Variants in PTPRT observed in about 807,000 individuals in gnomAD.
PTPRT encodes the protein receptor-type tyrosine-protein phosphatase T.
Under a neutral mutation model 176.8 loss-of-function variants are expected in PTPRT, and 56 were observed. The ratio of observed to expected loss-of-function variants is 0.32; its 90% CI spans 0.26 to 0.40. The LOEUF is 0.40. Among genes scored for constraint, PTPRT ranks in the 10% least tolerant of loss-of-function variants. The pLI, the probability that PTPRT is intolerant of heterozygous loss-of-function variation, is 1.00. For missense variants in PTPRT, 1,540 were observed against 1,908.2 expected, an observed-to-expected ratio of 0.81 and a Z score of 3.60; for synonymous variants, 783 against 739.0, an observed-to-expected ratio of 1.06 and a Z score of -0.96.
intron 27 of PTPRT, 129 bp downstream of exon 27, chr20:42,098,292 C>T (rs1985490043): frequency 7.6e-7 from 1 of 1,310,594 alleles, no homozygotes; most frequent in Non-Finnish European, 1.0e-6. Context: ...TGCTCGTGGC[C>T]AGACACTGCT....
At chr20:42,280,338 G>A (rs1025497547) in intron 13 of PTPRT, among the ~76,000 whole-genome samples, 20 of 152,150 alleles carry the variant, frequency 1.3e-4, no homozygotes, top group African/African-American at 4.8e-4. Context: ...ATCTGATGTG[G>A]TGAGAGGGGA....
intron 18 of PTPRT, among the ~76,000 whole-genome samples, chr20:42,135,417 T>C (rs1256502114): frequency 2.6e-5 from 4 of 152,228 alleles, no homozygotes; most frequent in Admixed American, 2.6e-4. Flanking sequence ...GAAATGGAAA[T>C]TCTTGGGCCC....
rs533606725 is a variant in PTPRT at position 42,582,752 on chromosome 20, C to A, written c.1153+95114G>T. On this transcript the variant is annotated intron_variant, in intron 7 of 30. Transcript: ENST00000373187. The stretch of plus-strand genomic sequence containing the variant: ...TGGAAGAAATTAACTCTGATCTTCT[C>A]AGAGCTCGCCCAAAAAACTGGACCT... 1.3e-4 allele frequency among the ~76,000 whole-genome samples: 20 copies of A among 152,238 alleles called. No individual in the cohort carries two copies. The South Asian group carries it at 3.3e-3, about 25-fold the overall frequency.
At chr20:42,544,139 C>A (rs2072631835) in intron 7 of PTPRT, among the ~76,000 whole-genome samples, 1 of 152,186 alleles carries the variant, frequency 6.6e-6, no homozygotes, top group Admixed American at 6.5e-5. Flanking sequence ...GGCTTTGAAG[C>A]CAGACATTTG....
chr20:42,602,668 T>C (rs993275844), intron 7 of PTPRT, among the ~76,000 whole-genome samples: 1 of 152,156 alleles, frequency 6.6e-6, no homozygotes, highest in Non-Finnish European at 1.5e-5. Context: ...CTTACCACTA[T>C]GTTCTTTTTT....
At chr20:43,121,411 T>G (rs2013252489) in intron 1 of PTPRT, among the ~76,000 whole-genome samples, 1 of 152,224 alleles carries the variant, frequency 6.6e-6, no homozygotes, top group Non-Finnish European at 1.5e-5. Context: ...TCTAGCTTAT[T>G]AGATCTGCCA....
At chr20:42,583,357 G>A (rs1263844297) in intron 7 of PTPRT, among the ~76,000 whole-genome samples, 1 of 152,112 alleles carries the variant, frequency 6.6e-6, no homozygotes, top group South Asian at 2.1e-4. Flanking sequence ...TTCATTAACT[G>A]TCAGGGGTTA....
chr20:43,169,089 C>G (rs1457720526), intron 1 of PTPRT, among the ~76,000 whole-genome samples: 1 of 152,152 alleles, frequency 6.6e-6, no homozygotes, highest in Non-Finnish European at 1.5e-5. Context: ...TTGCCCCAAC[C>G]CTCAGTTCTT....
At position 42,199,348 on chromosome 20, in the gene PTPRT, G is replaced by C; in HGVS notation, c.2383C>G (p.Gln795Glu). Residue 795 changes from glutamine (Q) to glutamate (E), a missense_variant, in exon 16 of 31, where the codon CAG becomes GAG. By Grantham distance (29) the Gln-to-Glu change is conservative. This residue lies in a region of PTPRT where 255 missense variants were observed against 250.1 expected (regional missense o/e 1.02). Transcript: ENST00000373187. Reference sequence around the variant, plus strand: ...GAGGCCACAGGCCCCATCTCCCTCTGGGCTCCACTCTGGGTCTCCTTCTGC... The same window carrying C: ...GAGGCCACAGGCCCCATCTCCCTCTCGGCTCCACTCTGGGTCTCCTTCTGC... ...KKQKETQSGA[Q>E]REMGPVASAD... is the part of the protein sequence containing the mutation. 5.6e-6 allele frequency: 9 copies of C among 1,614,074 alleles called. No homozygotes were observed. Among genetic ancestry groups the C allele is most frequent in the Middle Eastern group, 1.7e-4 (1 of 6,060 alleles).
At chr20:42,477,762 A>G (rs528440649) in intron 7 of PTPRT, among the ~76,000 whole-genome samples, 2 of 152,280 alleles carry the variant, frequency 1.3e-5, no homozygotes, top group African/African-American at 4.8e-5. Flanking sequence ...CAGTGGGAAG[A>G]GTGTGGCTTG....
At chr20:42,189,121 G>A (rs1374851081) in intron 16 of PTPRT, among the ~76,000 whole-genome samples, 3 of 152,148 alleles carry the variant, frequency 2.0e-5, no homozygotes, top group African/African-American at 7.2e-5. Flanking sequence ...TACCATTCCA[G>A]CTTCGTCTCT....
intron 1 of PTPRT, among the ~76,000 whole-genome samples, chr20:43,140,173 G>A (rs1336340653): frequency 1.3e-5 from 2 of 152,066 alleles, no homozygotes; most frequent in Non-Finnish European, 2.9e-5. Flanking sequence ...TGATAAACCA[G>A]AAGACAAAAT....
chr20:42,046,834 C>T, the PTPRT span, among the ~76,000 whole-genome samples: 3 of 151,980 alleles, frequency 2.0e-5, no homozygotes, highest in African/African-American at 7.2e-5. Flanking sequence ...GAGGGAGGGA[C>T]ACAGGATTCC....
chr20:42,088,343 C>T (rs1012427521), intron 27 of PTPRT, among the ~76,000 whole-genome samples: 2 of 152,200 alleles, frequency 1.3e-5, no homozygotes, highest in Non-Finnish European at 2.9e-5. Context: ...TGACCCACCC[C>T]CTACAGATGC....
chr20:42,474,894 T>C (rs528869477), intron 7 of PTPRT, among the ~76,000 whole-genome samples: 191 of 152,226 alleles, frequency 1.3e-3, no homozygotes, highest in African/African-American at 4.3e-3. Context: ...CCCCTGGGTT[T>C]GCCCTCCAAA....
At chr20:42,341,312 T>G (rs550527003) in intron 11 of PTPRT, among the ~76,000 whole-genome samples, 1 of 152,260 alleles carries the variant, frequency 6.6e-6, no homozygotes, top group Non-Finnish European at 1.5e-5. Context: ...TTCCAGCACT[T>G]TTGTTGACAT....
intron 6 of PTPRT, among the ~76,000 whole-genome samples, chr20:42,742,652 G>T (rs1230476454): frequency 6.6e-6 from 1 of 152,194 alleles, no homozygotes; most frequent in Non-Finnish European, 1.5e-5. Flanking sequence ...AATGGAGGAA[G>T]CTTGTGTGCC....
At chr20:42,838,049 G>A (rs773454251) in intron 2 of PTPRT, among the ~76,000 whole-genome samples, 3 of 152,140 alleles carry the variant, frequency 2.0e-5, no homozygotes, top group Non-Finnish European at 4.4e-5. Context: ...TTGTTGAGAC[G>A]GAGTTTCGCT....
Position 42,082,046 on chromosome 20 carries a change from GT to G in PTPRT, c.4137-30del, listed in dbSNP as rs757808450. ...AACACAGAGCAAAGAGGTGAGCCAT[GT>G]TCCTAGGTCCCTTCCAGGCACCTGA... is the stretch of plus-strand genomic sequence containing the variant. On this transcript the variant is annotated intron_variant, in intron 29 of 30. Coordinates refer to ENST00000373187, the MANE Select transcript of PTPRT (RefSeq NM_007050.6). The G allele has an allele frequency of 3.1e-6, 5 of 1,613,682 alleles. No homozygotes were observed. In the African/African-American group the frequency reaches 6.7e-5, roughly 22 times the overall value.
Sources: gnomAD v4.1 joint callset for allele counts (sites outside exome capture counted in the v4.1 genomes callset) on GRCh38, gnomAD v4.1.1 for gene constraint, gnomAD v4.1.1 regional missense constraint, MANE v1.5 for transcripts, NCBI Gene and HGNC (gene_info 2026-07-23, HGNC 2026-07-21) for gene names.